The following LDLRAD3 variants were observed in gnomAD, a reference collection of about 807,000 sequenced individuals.
LDLRAD3 encodes low-density lipoprotein receptor class A domain-containing protein 3.
A neutral mutation model predicts 29.4 loss-of-function variants in LDLRAD3; 20 were observed. The observed-to-expected ratio is 0.68, with a 90% CI of 0.48 to 0.99. The LOEUF (loss-of-function observed/expected upper bound fraction) is 0.99, where lower values mean the gene tolerates loss of function less well. Among genes scored for constraint, LDLRAD3 ranks in the 50% least tolerant of loss-of-function variants. LDLRAD3 has a pLI of 0.00. For synonymous variants in LDLRAD3, 157 were observed against 192.7 expected (o/e 0.81, Z 1.53); for missense variants, 420 against 454.3 (o/e 0.92, Z 0.69).
At chr11:35,963,893 G>T (rs1851308234) in intron 1 of LDLRAD3, among the ~76,000 whole-genome samples, 1 of 152,202 alleles carries the variant, frequency 6.6e-6, no homozygotes, top group African/African-American at 2.4e-5. Context: ...AAACGTGCAC[G>T]TGGGTCTCTG....
intron 4 of LDLRAD3, among the ~76,000 whole-genome samples, chr11:36,135,441 T>C (rs1853989807): frequency 6.6e-6 from 1 of 152,222 alleles, no homozygotes. Flanking sequence ...TCCTGCCTTC[T>C]GTTCCCATTC....
At chr11:36,193,865 A>G (rs1854992648) in intron 4 of LDLRAD3, among the ~76,000 whole-genome samples, 1 of 152,218 alleles carries the variant, frequency 6.6e-6, no homozygotes, top group African/African-American at 2.4e-5. Context: ...ATTTGGATTC[A>G]GATCTTAGCT....
At chr11:36,203,677 G>A (rs941067047) in intron 4 of LDLRAD3, among the ~76,000 whole-genome samples, 2 of 152,194 alleles carry the variant, frequency 1.3e-5, no homozygotes, top group Non-Finnish European at 2.9e-5. Context: ...AATCTCCACA[G>A]CAAAGAGTTA....
At chr11:36,190,237 A>G (rs1854920960) in intron 4 of LDLRAD3, among the ~76,000 whole-genome samples, 1 of 152,224 alleles carries the variant, frequency 6.6e-6, no homozygotes, top group Non-Finnish European at 1.5e-5. Context: ...CTAAACAGGA[A>G]AGGACTCATA....
intron 4 of LDLRAD3, among the ~76,000 whole-genome samples, chr11:36,199,797 A>G (rs952970722): frequency 6.6e-6 from 1 of 152,220 alleles, no homozygotes; most frequent in Non-Finnish European, 1.5e-5. Context: ...TCCAAAATGA[A>G]TAAAGTGAGT....
At chr11:36,191,136 A>G (rs1854935020) in intron 4 of LDLRAD3, among the ~76,000 whole-genome samples, 2 of 152,174 alleles carry the variant, frequency 1.3e-5, no homozygotes, top group Non-Finnish European at 2.9e-5. Flanking sequence ...CTCTGGAATG[A>G]CACTGAAGGG....
intron 4 of LDLRAD3, among the ~76,000 whole-genome samples, chr11:36,102,333 G>A (rs960304386): frequency 6.6e-6 from 1 of 152,170 alleles, no homozygotes; most frequent in African/African-American, 2.4e-5. Flanking sequence ...TCTCAGTTAT[G>A]TGGGAGAAAA....
intron 2 of LDLRAD3, among the ~76,000 whole-genome samples, chr11:36,071,222 C>G (rs949060957): frequency 6.6e-6 from 1 of 152,210 alleles, no homozygotes; most frequent in African/African-American, 2.4e-5. Flanking sequence ...AGCCTTTGTG[C>G]TTCTAGGAGC....
intron 4 of LDLRAD3, among the ~76,000 whole-genome samples, chr11:36,132,969 T>G (rs1853948118): frequency 1.3e-5 from 2 of 152,080 alleles, no homozygotes; most frequent in African/African-American, 4.8e-5. Context: ...ATAGAATGAG[T>G]TTTATAGTGT....
chr11:36,191,538 GTCTCTCTCTCTC>G (rs751965155), intron 4 of LDLRAD3, among the ~76,000 whole-genome samples: 4 of 55,692 alleles, frequency 7.2e-5, no homozygotes, highest in Admixed American at 2.1e-4. Context: ...GCAAGACCCT[GTCTCTCTCTCTC>G]TCTCTCTCTC....
intron 4 of LDLRAD3, among the ~76,000 whole-genome samples, chr11:36,170,026 C>A (rs2133346834): frequency 6.6e-6 from 1 of 152,154 alleles, no homozygotes; most frequent in African/African-American, 2.4e-5. Flanking sequence ...TCCTCCCACC[C>A]TTCCCTCTCT....
chr11:36,092,510 A>G (rs1853298454), intron 3 of LDLRAD3, among the ~76,000 whole-genome samples: 1 of 151,824 alleles, frequency 6.6e-6, no homozygotes, highest in Non-Finnish European at 1.5e-5. Context: ...TCATCTCTTT[A>G]TCTTCCTCCC....
At position 36,076,542 on chromosome 11, in the gene LDLRAD3, C is replaced by T. The variant is rs147204197; in HGVS notation, c.194-5111C>T. 7.2e-5 allele frequency among the ~76,000 whole-genome samples: 11 copies of T among 152,254 alleles called. No individual in the cohort carries two copies. In the East Asian group the frequency reaches 1.5e-3, roughly 21 times the overall value. On this transcript the variant is annotated intron_variant, in intron 2 of 5. Transcript: ENST00000315571. Reference sequence around the variant, plus strand: ...CTGGGACTACAGGTGCCCGCCACCACGCCCGGCTAATTTTTTTGTATATGT... The same window carrying T: ...CTGGGACTACAGGTGCCCGCCACCATGCCCGGCTAATTTTTTTGTATATGT...
intron 4 of LDLRAD3, among the ~76,000 whole-genome samples, chr11:36,200,608 G>A (rs1337616369): frequency 6.6e-6 from 1 of 152,230 alleles, no homozygotes; most frequent in African/African-American, 2.4e-5. Flanking sequence ...GGAAAAGGAT[G>A]GAGAGGCAAC....
Position 35,944,297 on chromosome 11 carries a change from C to G in LDLRAD3, c.46+153C>G, listed in dbSNP as rs1360599252. Reference sequence around the variant, plus strand: ...GGCGGACCCCGGCGCCGGGCTGGCCCGGACCCTGCCGAGGGGCCGCCGCGG... The same window carrying G: ...GGCGGACCCCGGCGCCGGGCTGGCCGGGACCCTGCCGAGGGGCCGCCGCGG... On this transcript the variant is annotated intron_variant, in intron 1 of 5. Coordinates refer to ENST00000315571, the MANE Select transcript of LDLRAD3 (RefSeq NM_174902.4). The surrounding 1 kb of genome is among the most constrained non-coding windows in gnomAD (Gnocchi z 4.9). 2.0e-5 allele frequency among the ~76,000 whole-genome samples: 3 copies of G among 151,068 alleles called. No homozygotes were observed. Among genetic ancestry groups the G allele is most frequent in the Non-Finnish European group, 3.0e-5 (2 of 67,670 alleles).
At chr11:36,001,790 T>C (rs979615893) in intron 1 of LDLRAD3, among the ~76,000 whole-genome samples, 192 of 146,794 alleles carry the variant, frequency 1.3e-3, no homozygotes, top group African/African-American at 4.7e-3. Flanking sequence ...TGTGTGTGTG[T>C]GTGCACATAA....
chr11:36,116,638 A>ACTTCTGAACTGATCTTGGGT, intron 4 of LDLRAD3, among the ~76,000 whole-genome samples: 1 of 151,876 alleles, frequency 6.6e-6, no homozygotes, highest in African/African-American at 2.4e-5. Flanking sequence ...ATTTCTAGTG[A>ACTTCTGAACTGATCTTGGGT]TTGGCACCTC....
At chr11:36,133,312 A>C (rs568397217) in intron 4 of LDLRAD3, among the ~76,000 whole-genome samples, 23 of 150,686 alleles carry the variant, frequency 1.5e-4, no homozygotes, top group Admixed American at 1.1e-3. Flanking sequence ...CTGGGATTAC[A>C]GGTGTCAGCC....
chr11:36,156,664 A>C (rs528974441), intron 4 of LDLRAD3, among the ~76,000 whole-genome samples: 1 of 152,338 alleles, frequency 6.6e-6, no homozygotes, highest in Non-Finnish European at 1.5e-5. Context: ...ATTATTTGGC[A>C]ACAATAACTT....
Sources: gnomAD v4.1 joint callset for allele counts (sites outside exome capture counted in the v4.1 genomes callset) on GRCh38, gnomAD v4.1.1 for gene constraint, Gnocchi (gnomAD v3.1) non-coding constraint, MANE v1.5 for transcripts, NCBI Gene and HGNC (gene_info 2026-07-23, HGNC 2026-07-21) for gene names.